Variants in SMYD3 observed in about 807,000 individuals in gnomAD.
SMYD3 encodes the protein SET and MYND domain containing 3.
A neutral mutation model predicts 57.7 loss-of-function variants in SMYD3; 36 were observed. The observed-to-expected ratio is 0.62, with a 90% CI of 0.48 to 0.82. SMYD3 has a LOEUF of 0.82. Among genes scored for constraint, SMYD3 ranks in the 40% least tolerant of loss-of-function variants. SMYD3 has a pLI of 0.00. For synonymous variants in SMYD3, 211 were observed against 195.0 expected, an observed-to-expected ratio of 1.08 and a Z score of -0.68; for missense variants, 515 against 538.8, an observed-to-expected ratio of 0.96 and a Z score of 0.44.
chr1:245,898,180 C>T (rs928854882), intron 8 of SMYD3, among the ~76,000 whole-genome samples: 5 of 152,198 alleles, frequency 3.3e-5, no homozygotes, highest in African/African-American at 1.2e-4. Flanking sequence ...GTACTTCTAG[C>T]TGTTACATAA....
intron 5 of SMYD3, among the ~76,000 whole-genome samples, chr1:246,013,849 T>C (rs768551474): frequency 6.6e-6 from 1 of 152,224 alleles, no homozygotes; most frequent in Non-Finnish European, 1.5e-5. Flanking sequence ...TCCACATTCC[T>C]GCTTTCTGAG....
intron 10 of SMYD3, among the ~76,000 whole-genome samples, chr1:245,816,158 G>A (rs1001318787): frequency 2.0e-5 from 3 of 152,140 alleles, no homozygotes; most frequent in Admixed American, 6.6e-5. Context: ...CCTACCTGTC[G>A]CTAGCCTTCC....
intron 1 of SMYD3, among the ~76,000 whole-genome samples, chr1:246,424,263 C>T (rs1285912676): frequency 1.3e-5 from 2 of 151,574 alleles, no homozygotes; most frequent in Non-Finnish European, 2.9e-5. Flanking sequence ...TATTATTTTA[C>T]AGTAGATTAT....
chr1:246,506,989 G>GCCCCCCCCCCCCCCCCC, intron 1 of SMYD3, 65 bp downstream of exon 1: 12 of 649,296 alleles, frequency 1.8e-5, no homozygotes, highest in Non-Finnish European at 2.5e-5. Context: ...GCCGCCCGAC[G>GCCCCCCCCCCCCCCCCC]CCCCCCCCTC....
At chr1:245,821,897 A>G (rs1177958001) in intron 10 of SMYD3, among the ~76,000 whole-genome samples, 1 of 150,380 alleles carries the variant, frequency 6.6e-6, no homozygotes, top group Non-Finnish European at 1.5e-5. Context: ...TCAGGAAACA[A>G]CAGGTGCTGG....
At chr1:246,240,600 T>C (rs1297493577) in intron 5 of SMYD3, among the ~76,000 whole-genome samples, 1 of 152,148 alleles carries the variant, frequency 6.6e-6, no homozygotes, top group Admixed American at 6.5e-5. Context: ...ATATGAACTT[T>C]AAAGTAGTTT....
chr1:245,968,831 G>T (rs2058220893), intron 5 of SMYD3, among the ~76,000 whole-genome samples: 1 of 152,162 alleles, frequency 6.6e-6, no homozygotes, highest in Admixed American at 6.5e-5. Context: ...AGCCTTCTCA[G>T]GTCTGTGTCT....
chr1:245,964,514 G>A (rs2058090174), intron 5 of SMYD3, among the ~76,000 whole-genome samples: 2 of 152,160 alleles, frequency 1.3e-5, no homozygotes, highest in Admixed American at 1.3e-4. Context: ...ATCATAGTCA[G>A]ATACAGCAGA....
intron 1 of SMYD3, among the ~76,000 whole-genome samples, chr1:246,359,193 C>G (rs189843123): frequency 8.6e-4 from 131 of 152,188 alleles, no homozygotes; most frequent in African/African-American, 3.0e-3. Flanking sequence ...CCTTTATGTG[C>G]CTAAACTAGA....
chr1:246,479,274 T>C (rs577429112), intron 1 of SMYD3, among the ~76,000 whole-genome samples: 3 of 152,242 alleles, frequency 2.0e-5, no homozygotes, highest in Non-Finnish European at 4.4e-5. Context: ...GAAGACCTGG[T>C]TCCAGATCCA....
rs112638478 is a variant in SMYD3, at chr1:246,070,408, G to A, written c.532-140471C>T. ...GGCATTTCTGCAGCAATCTGTAAGAGACTTTATACACGTATCCATCTCAAA... is the reference window on the plus strand; with the variant it reads ...GGCATTTCTGCAGCAATCTGTAAGAAACTTTATACACGTATCCATCTCAAA... On this transcript the variant is annotated intron_variant, in intron 5 of 11. Transcript: ENST00000490107. Among the ~76,000 whole-genome samples the A allele has an allele frequency of 2.7e-4, 41 of 152,316 alleles. 1 individual carries two copies. The highest frequency in any genetic ancestry group is 9.6e-4 in the African/African-American group (40 of 41,562).
chr1:245,901,161 G>A (rs979282036), intron 8 of SMYD3, among the ~76,000 whole-genome samples: 6 of 152,120 alleles, frequency 3.9e-5, no homozygotes, highest in Non-Finnish European at 2.9e-5. Flanking sequence ...ATACTGGCAG[G>A]AGCATTAGGT....
intron 5 of SMYD3, among the ~76,000 whole-genome samples, chr1:246,187,349 T>A (rs559837924): frequency 9.3e-5 from 14 of 150,086 alleles, no homozygotes; most frequent in African/African-American, 3.4e-4. Context: ...GTGGAAAAGA[T>A]ATCAAATAAG....
At chr1:246,349,046 G>A (rs1278806494) in intron 2 of SMYD3, among the ~76,000 whole-genome samples, 2 of 152,186 alleles carry the variant, frequency 1.3e-5, no homozygotes, top group East Asian at 3.9e-4. Flanking sequence ...AACAAAAGTT[G>A]AGGAAATGTA....
At chr1:246,127,632 A>G (rs1424574447) in intron 5 of SMYD3, among the ~76,000 whole-genome samples, 1 of 152,108 alleles carries the variant, frequency 6.6e-6, no homozygotes, top group East Asian at 1.9e-4. Flanking sequence ...GCGGTGAATC[A>G]CGCCTGTAAT....
At chr1:246,495,327 T>C (rs12135717) in intron 1 of SMYD3, among the ~76,000 whole-genome samples, 25,073 of 124,002 alleles carry the variant, frequency 0.2, 2,299 homozygotes, top group Middle Eastern at 0.27. Context: ...CCAGCCTGGG[T>C]GACAGAGCAA....
intron 1 of SMYD3, among the ~76,000 whole-genome samples, chr1:246,460,521 T>TG (rs902623566): frequency 6.6e-6 from 1 of 152,202 alleles, no homozygotes; most frequent in Non-Finnish European, 1.5e-5. Context: ...TACATGTGTG[T>TG]TTTTACTGAA....
chr1:245,870,403 C>T (rs1054909941), intron 8 of SMYD3, among the ~76,000 whole-genome samples: 7 of 152,170 alleles, frequency 4.6e-5, no homozygotes, highest in African/African-American at 1.7e-4. Context: ...ACAATCGCGT[C>T]AAGGGTTATT....
At position 246,473,520 on chromosome 1, in the gene SMYD3, T is replaced by C. The variant is rs117474014; in HGVS notation, c.164+33534A>G. 2.0e-4 allele frequency among the ~76,000 whole-genome samples: 30 copies of C among 152,348 alleles called. No individual in the cohort carries two copies. The East Asian group carries it at 5.0e-3, about 25-fold the overall frequency. On this transcript the variant is annotated intron_variant, in intron 1 of 11. Coordinates refer to ENST00000490107, the MANE Select transcript of SMYD3 (RefSeq NM_001167740.2). Reference sequence around the variant, plus strand: ...AAAAACATTATTTTATAAGGTCAGTTGCTTCTAGCTAGGAATATTACTGAT... The same window carrying C: ...AAAAACATTATTTTATAAGGTCAGTCGCTTCTAGCTAGGAATATTACTGAT...
Sources: allele counts gnomAD v4.1 joint callset (sites outside exome capture counted in the v4.1 genomes callset), GRCh38; gene constraint gnomAD v4.1.1; transcripts MANE v1.5; gene names NCBI Gene and HGNC (gene_info 2026-07-23, HGNC 2026-07-21).